Variants in SUDS3 observed in about 807,000 individuals in gnomAD.
SUDS3 encodes sin3 histone deacetylase corepressor complex component SDS3.
In SUDS3, 23 loss-of-function variants were observed where a neutral mutation model predicts 53.5. That is an observed-to-expected ratio of 0.43 (90% confidence interval 0.31 to 0.61). SUDS3 has a LOEUF of 0.61. SUDS3 is among the 20% of genes least tolerant of loss of function. The pLI is 0.10. For missense variants in SUDS3, 291 were observed against 405.9 expected (o/e 0.72, Z 2.43); for synonymous variants, 150 against 148.5 (o/e 1.01, Z -0.08).
At chr12:118,387,403 A>G (rs929006828) in intron 4 of SUDS3, among the ~76,000 whole-genome samples, 1 of 152,206 alleles carries the variant, frequency 6.6e-6, no homozygotes, top group African/African-American at 2.4e-5. Context: ...CTCCATCTGT[A>G]GAGGGGAATA....
chr12:118,389,006 A>G (rs1160061555), intron 4 of SUDS3, among the ~76,000 whole-genome samples: 1 of 152,062 alleles, frequency 6.6e-6, no homozygotes, highest in Non-Finnish European at 1.5e-5. Flanking sequence ...AAAATCAGCC[A>G]GGTGTGGTGG....
chr12:118,380,211 C>G lies in SUDS3; in HGVS notation c.192C>G (p.Asp64Glu). 2 of 1,608,282 alleles carry G rather than the reference C, an allele frequency of 1.2e-6. No individual in the cohort carries two copies. The highest frequency in any genetic ancestry group is 1.7e-6 in the Non-Finnish European group (2 of 1,177,336). The part of the protein sequence containing the change: ...ETDLAKHDEE[D>E]YVEMKEQMYQ... ...ACCTGGCAAAGCATGATGAAGAAGA[C>G]TATGTAGAAATGAAGGAACAGTGAG... The change falls in exon 2 of 12, where the codon GAC (aspartate) becomes GAG (glutamate). Residue 64 changes from aspartate (D) to glutamate (E), a missense_variant. Around this residue, in one of 4 missense-constraint regions of SUDS3, gnomAD observed 149 missense variants for 146.5 expected, o/e 1.02. Coordinates refer to ENST00000543473, the MANE Select transcript of SUDS3 (RefSeq NM_022491.3).
chr12:118,388,965 A>G (rs1593759956), intron 4 of SUDS3, among the ~76,000 whole-genome samples: 1 of 152,152 alleles, frequency 6.6e-6, no homozygotes, highest in African/African-American at 2.4e-5. Context: ...CCTGGCCAAC[A>G]TGGTGAAACC....
chr12:118,410,191 G>A (rs1404829446), intron 10 of SUDS3, among the ~76,000 whole-genome samples: 2 of 152,228 alleles, frequency 1.3e-5, no homozygotes, highest in East Asian at 1.9e-4. Flanking sequence ...AGCATAGTCC[G>A]TGGTACACAG....
intron 4 of SUDS3, among the ~76,000 whole-genome samples, chr12:118,389,600 C>T (rs1447613299): frequency 2.0e-5 from 3 of 151,882 alleles, no homozygotes; most frequent in Admixed American, 1.3e-4. Flanking sequence ...CAACCTCTGC[C>T]GCTCAGGTTC....
rs773672012 is a variant in SUDS3 at position 118,391,194 on chromosome 12, G to A, written c.429G>A (p.Lys143=). 4.3e-6 allele frequency: 7 copies of A among 1,613,780 alleles called. No homozygotes were observed. The South Asian group carries it at 4.4e-5, about 10-fold the overall frequency. The change falls in exon 6 of 12, where the codon AAG becomes AAA. Residue 143 remains lysine (K), a synonymous_variant. Coordinates refer to ENST00000543473, the MANE Select transcript of SUDS3 (RefSeq NM_022491.3). ...CAGTGAAAGAATTTGAAGACAAGAA[G>A]GTTGAGCTGAAAGAGAACCTGATTG... ...KAAVKEFEDK[K]VELKENLIAE... is the part of the protein sequence containing the mutation.
intron 4 of SUDS3, among the ~76,000 whole-genome samples, chr12:118,389,234 G>GC (rs2046142977): frequency 6.6e-6 from 1 of 151,956 alleles, no homozygotes; most frequent in Non-Finnish European, 1.5e-5. Context: ...CCTGCCGCCT[G>GC]CCCCCCTACC....
chr12:118,378,837 A>T (rs1593747745), intron 1 of SUDS3, among the ~76,000 whole-genome samples: 1 of 151,976 alleles, frequency 6.6e-6, no homozygotes, highest in East Asian at 2.0e-4. Context: ...CGCCACCCCC[A>T]GCTAATTTTG....
At chr12:118,414,110 G>A (rs1403716723) in intron 11 of SUDS3, among the ~76,000 whole-genome samples, 3 of 152,150 alleles carry the variant, frequency 2.0e-5, no homozygotes, top group Non-Finnish European at 4.4e-5. Context: ...TGAGAGAGAT[G>A]GCTGAGAAAC....
chr12:118,387,850 C>A (rs1009959739), intron 4 of SUDS3, among the ~76,000 whole-genome samples: 2 of 152,176 alleles, frequency 1.3e-5, no homozygotes, highest in African/African-American at 4.8e-5. Context: ...GCCAACGTGC[C>A]CGGCCCTCAT....
intron 6 of SUDS3, among the ~76,000 whole-genome samples, chr12:118,397,567 A>G (rs544272338): frequency 6.2e-4 from 95 of 152,230 alleles, no homozygotes; most frequent in Non-Finnish European, 1.1e-3. Flanking sequence ...CACCTGGGCT[A>G]TTGGCCAGGA....
chr12:118,413,535 A>G (rs1325531041), intron 11 of SUDS3, among the ~76,000 whole-genome samples: 1 of 152,216 alleles, frequency 6.6e-6, no homozygotes, highest in African/African-American at 2.4e-5. Flanking sequence ...CAGCCTGATC[A>G]GCATGGTGTC....
intron 10 of SUDS3, among the ~76,000 whole-genome samples, chr12:118,408,365 G>A (rs557777575): frequency 1.3e-4 from 20 of 148,192 alleles, no homozygotes; most frequent in African/African-American, 4.2e-4. Flanking sequence ...ACAGAGTCTC[G>A]TTCTTCCAGC....
At chr12:118,411,490 T>TC (rs1424082555) in intron 11 of SUDS3, among the ~76,000 whole-genome samples, 1 of 151,992 alleles carries the variant, frequency 6.6e-6, no homozygotes, top group Non-Finnish European at 1.5e-5. Flanking sequence ...AACTCCTGCT[T>TC]CTTTTTTTTT....
intron 6 of SUDS3, among the ~76,000 whole-genome samples, chr12:118,394,832 T>C (rs2046199342): frequency 6.6e-6 from 1 of 151,720 alleles, no homozygotes; most frequent in Non-Finnish European, 1.5e-5. Context: ...ACTACAGGCA[T>C]GTGCCACCTT....
At chr12:118,376,950 G>A in intron 1 of SUDS3, 117 bp downstream of exon 1, 1 of 1,276,772 alleles carries the variant, frequency 7.8e-7, no homozygotes, top group Non-Finnish European at 1.0e-6. Context: ...GCGTGGAGGG[G>A]CCGCCGGGAG....
chr12:118,407,488 T>G (rs2046318198), intron 10 of SUDS3, among the ~76,000 whole-genome samples: 1 of 152,150 alleles, frequency 6.6e-6, no homozygotes, highest in South Asian at 2.1e-4. Context: ...ATTCCCAAGT[T>G]CCAGACCACT....
chr12:118,405,896 A>G (rs969596538), intron 10 of SUDS3, among the ~76,000 whole-genome samples: 1 of 152,070 alleles, frequency 6.6e-6, no homozygotes, highest in Non-Finnish European at 1.5e-5. Flanking sequence ...CTCTTTCCAG[A>G]GGGTATGGAG....
At chr12:118,386,622 A>G (rs571882263) in intron 4 of SUDS3, among the ~76,000 whole-genome samples, 1 of 152,022 alleles carries the variant, frequency 6.6e-6, no homozygotes, top group Non-Finnish European at 1.5e-5. Flanking sequence ...TTGTTTTTAT[A>G]AGAATTTAGA....
Sources: gnomAD v4.1 joint callset for allele counts (sites outside exome capture counted in the v4.1 genomes callset) on GRCh38, gnomAD v4.1.1 for gene constraint, gnomAD v4.1.1 regional missense constraint, MANE v1.5 for transcripts, NCBI Gene and HGNC (gene_info 2026-07-23, HGNC 2026-07-21) for gene names.